LMOD1: variants seen among roughly 807,000 people sequenced by gnomAD.
The protein encoded by LMOD1 is leiomodin-1.
In LMOD1, 8 loss-of-function variants were observed where a neutral mutation model predicts 36.5. The observed-to-expected ratio is 0.22, with a 90% CI of 0.13 to 0.40. LMOD1 has a LOEUF of 0.40. Ranked by LOEUF, LMOD1 falls within the 10% of genes least tolerant of loss-of-function variation. The pLI, the probability that LMOD1 is intolerant of heterozygous loss-of-function variation, is 1.00. For synonymous variants in LMOD1, 284 were observed against 288.7 expected, an observed-to-expected ratio of 0.98 and a Z score of 0.17; for missense variants, 630 against 751.1, an observed-to-expected ratio of 0.84 and a Z score of 1.88.
At chr1:201,917,241 C>A (rs1384152502) in intron 1 of LMOD1, among the ~76,000 whole-genome samples, 2 of 152,100 alleles carry the variant, frequency 1.3e-5, no homozygotes, top group African/African-American at 4.8e-5. Flanking sequence ...GGGAAGGTGG[C>A]CTGACCTCAA....
intron 1 of LMOD1, among the ~76,000 whole-genome samples, chr1:201,915,283 C>T (rs1681587039): frequency 6.6e-6 from 1 of 152,086 alleles, no homozygotes; most frequent in Non-Finnish European, 1.5e-5. Flanking sequence ...TTTAGGCCTC[C>T]TTTGTTTTCA....
At chr1:201,921,821 G>A (rs1273204848) in intron 1 of LMOD1, among the ~76,000 whole-genome samples, 5 of 151,796 alleles carry the variant, frequency 3.3e-5, no homozygotes, top group South Asian at 2.1e-4. Flanking sequence ...TTAGCCAGGC[G>A]TGGTGGTGGG....
chr1:201,920,328 T>C (rs1033355017), intron 1 of LMOD1, among the ~76,000 whole-genome samples: 6 of 151,898 alleles, frequency 4.0e-5, no homozygotes, highest in Non-Finnish European at 8.8e-5. Context: ...CCACCCACCA[T>C]TGACTCTCTG....
At position 201,946,103 on chromosome 1, in the gene LMOD1, T is replaced by A. The variant is rs747845796; in HGVS notation, c.238A>T (p.Met80Leu). Residue 80 changes from methionine to leucine, a missense_variant, in exon 1 of 3, where the codon ATG (methionine) becomes TTG (leucine). Around this residue, in one of 3 missense-constraint regions of LMOD1, gnomAD observed 405 missense variants for 400.6 expected, o/e 1.01. Transcript: ENST00000367288. ...NFCEKETKKL[M>L]QREMSMDESK... is the part of the protein sequence containing the mutation. The stretch of plus-strand genomic sequence containing the variant: ...ACATCCATGGACATCTCCCTCTGCA[T>A]AAGTTTCTTGGTCTCCTTTTCACAG... 6.2e-7 allele frequency: 1 copy of A among 1,613,960 alleles called. No individual in the cohort carries two copies. Among genetic ancestry groups the A allele is most frequent in the East Asian group, 2.2e-5 (1 of 44,868 alleles).
chr1:201,937,488 A>C (rs1345295003), intron 1 of LMOD1, among the ~76,000 whole-genome samples: 1 of 151,096 alleles, frequency 6.6e-6, no homozygotes, highest in Non-Finnish European at 1.5e-5. Context: ...AAAACAAAAA[A>C]CACAGTGGCT....
intron 1 of LMOD1, among the ~76,000 whole-genome samples, chr1:201,921,137 C>T (rs919991203): frequency 6.6e-6 from 1 of 151,636 alleles, no homozygotes; most frequent in Non-Finnish European, 1.5e-5. Flanking sequence ...GAGGGTGGCA[C>T]TTGAGATGAT....
intron 1 of LMOD1, among the ~76,000 whole-genome samples, chr1:201,903,231 T>A (rs1202826547): frequency 6.6e-6 from 1 of 152,028 alleles, no homozygotes; most frequent in Non-Finnish European, 1.5e-5. Context: ...AGCCCCTGGG[T>A]TTTTTTAGCA....
intron 1 of LMOD1, among the ~76,000 whole-genome samples, chr1:201,901,649 CAT>C (rs770744274): frequency 3.2e-5 from 2 of 62,376 alleles, no homozygotes; most frequent in African/African-American, 1.4e-4. Context: ...TATATATATA[CAT>C]ATATATGTGT....
rs1320850090 is a variant in LMOD1 at position 201,901,677 on chromosome 1, CAT to C, written c.262-928_262-927del. 1.7e-4 allele frequency among the ~76,000 whole-genome samples: 15 copies of C among 88,596 alleles called. 1 individual carries two copies. The highest frequency in any genetic ancestry group is 4.0e-4 in the African/African-American group (9 of 22,662). 58.1% of individuals were successfully genotyped at this position (88,596 alleles called of 152,430 possible). On this transcript the variant is annotated intron_variant, in intron 1 of 2. Transcript: ENST00000367288. ...ATATATGTGTATATATATATATACACATATATATATGTGTATATATATATATA... is the reference window on the plus strand; with the variant it reads ...ATATATGTGTATATATATATATACACATATATATGTGTATATATATATATA...
At chr1:201,906,356 G>A (rs527601639) in intron 1 of LMOD1, among the ~76,000 whole-genome samples, 11 of 152,132 alleles carry the variant, frequency 7.2e-5, no homozygotes, top group South Asian at 4.2e-4. Context: ...CCCCCCACCC[G>A]CCTCCACCAT....
Position 201,946,270 on chromosome 1 carries a change from A to G in LMOD1, c.71T>C (p.Leu24Pro). The G allele has an allele frequency of 6.2e-7, 1 of 1,613,882 alleles. No homozygotes were observed. The highest frequency in any genetic ancestry group is 8.5e-7 in the Non-Finnish European group (1 of 1,179,782). ...CAGCTCCTCCATCTCCTCGGGAGAC[A>G]GGGTCTCCAGCAGGCTGTCGATGTC... The part of the protein sequence containing the change: ...DPDIDSLLET[L>P]SPEEMEELEK... Residue 24 changes from leucine to proline, a missense_variant, in exon 1 of 3, where the codon CTG (leucine) becomes CCG (proline). Physicochemically the swap from Leu to Pro is moderately conservative, Grantham distance 98 (BLOSUM62 -3). Coordinates refer to ENST00000367288, the MANE Select transcript of LMOD1 (RefSeq NM_012134.3).
At chr1:201,922,667 C>T (rs540010474) in intron 1 of LMOD1, among the ~76,000 whole-genome samples, 17 of 151,532 alleles carry the variant, frequency 1.1e-4, no homozygotes, top group African/African-American at 3.1e-4. Context: ...TGTTGTACAA[C>T]TTTGTGAATA....
intron 1 of LMOD1, among the ~76,000 whole-genome samples, chr1:201,916,375 G>A (rs1412428646): frequency 8.6e-5 from 13 of 152,008 alleles, no homozygotes; most frequent in South Asian, 4.2e-4. Context: ...TTAGCCAGGC[G>A]TGGTGGCATG....
intron 1 of LMOD1, among the ~76,000 whole-genome samples, chr1:201,905,624 GCCCACACCGTCC>G (rs1435978005): frequency 6.6e-6 from 1 of 152,226 alleles, no homozygotes; most frequent in Non-Finnish European, 1.5e-5. Flanking sequence ...TACCTTGCCA[GCCCACACCGTCC>G]CCCACTGAGG....
In LMOD1 at chr1:201,912,496, C is replaced by T. The variant is rs1681510104; in HGVS notation, c.262-11745G>A. Among the ~76,000 whole-genome samples the T allele has an allele frequency of 2.0e-5, 3 of 152,104 alleles. No individual in the cohort carries two copies. The South Asian group carries it at 6.2e-4, about 32-fold the overall frequency. On this transcript the variant is annotated intron_variant, in intron 1 of 2. Transcript: ENST00000367288. ...CATGAAATATGGTTTATTACTGACT[C>T]GATGCCTGGCACACAGTATGATGCC...
intron 1 of LMOD1, among the ~76,000 whole-genome samples, chr1:201,945,118 C>G (rs937082540): frequency 7.2e-5 from 11 of 152,194 alleles, no homozygotes; most frequent in African/African-American, 1.4e-4. Flanking sequence ...TCCTATGCAA[C>G]ACTCTTTCCC....
chr1:201,901,587 TATATATATGTATATATATATATACAC>T (rs1558234739), intron 1 of LMOD1, among the ~76,000 whole-genome samples: 1 of 33,232 alleles, frequency 3.0e-5, no homozygotes, highest in African/African-American at 1.2e-4. Context: ...TATATATACA[TATATATATGTATATATATATATACAC>T]ATATATATGT....
At position 201,901,489 on chromosome 1, in the gene LMOD1, C is replaced by T. The variant is rs142734568; in HGVS notation, c.262-738G>A. On this transcript the variant is annotated intron_variant, in intron 1 of 2. Coordinates refer to ENST00000367288, the MANE Select transcript of LMOD1 (RefSeq NM_012134.3). ...TGCACTCCAGCCTAAGCAACAAGAG[C>T]GAAACTCTGTCTCAAAAAAAAAATA... is the stretch of plus-strand genomic sequence containing the variant. Among the ~76,000 whole-genome samples, 71 of 117,360 alleles carry T rather than the reference C, an allele frequency of 6.0e-4. 1 individual carries two copies. The East Asian group carries it at 0.015, about 25-fold the overall frequency. The allele number at this position is 117,360 out of a possible 152,430, so 77.0% of individuals were successfully genotyped here. A position where few individuals can be genotyped will look rare whatever the true frequency, so the allele number is the denominator to read the frequency against.
rs56135181 is a variant in LMOD1, at chr1:201,939,760, CTGTGTGTGTGTGTG to C, written c.261+6306_261+6319del. 6.2e-4 allele frequency among the ~76,000 whole-genome samples: 93 copies of C among 149,278 alleles called. 3 individuals carry two copies. The South Asian group carries it at 0.019, about 30-fold the overall frequency. On this transcript the variant is annotated intron_variant, in intron 1 of 2. Coordinates refer to ENST00000367288, the MANE Select transcript of LMOD1 (RefSeq NM_012134.3). ...GCTGTGTGTTGTTCCTCTGCTCCTG[CTGTGTGTGTGTGTG>C]TGTGTGTGTGTGTATACACATGTGT... is the stretch of plus-strand genomic sequence containing the variant.
Sources: gnomAD v4.1 joint callset for allele counts (sites outside exome capture counted in the v4.1 genomes callset) on GRCh38, gnomAD v4.1.1 for gene constraint, gnomAD v4.1.1 regional missense constraint, MANE v1.5 for transcripts, NCBI Gene and HGNC (gene_info 2026-07-23, HGNC 2026-07-21) for gene names.